Variants in RBFOX1 observed in about 807,000 individuals in gnomAD.
The protein encoded by RBFOX1 is RNA binding fox-1 homolog 1.
In RBFOX1, 8 loss-of-function variants were observed where a neutral mutation model predicts 57.7. The observed-to-expected ratio is 0.14, with a 90% CI of 0.08 to 0.25. RBFOX1 has a LOEUF of 0.25. Among genes scored for constraint, RBFOX1 ranks in the 10% least tolerant of loss-of-function variants. The probability of loss-of-function intolerance (pLI) is 1.00; values close to 1 mark genes in which losing one functional copy is unlikely to be tolerated. For missense variants in RBFOX1, 611 were observed against 548.5 expected (o/e 1.11, Z -1.14); for synonymous variants, 326 against 222.4 (o/e 1.47, Z -4.15).
intron 3 of RBFOX1, among the ~76,000 whole-genome samples, chr16:6,780,066 TATATA>T: frequency 2.8e-5 from 1 of 35,394 alleles, no homozygotes; most frequent in Non-Finnish European, 4.1e-5. Flanking sequence ...TATATATTTA[TATATA>T]TTTACATATT....
chr16:7,065,839 C>G (rs1010303958), intron 4 of RBFOX1, among the ~76,000 whole-genome samples: 12 of 152,276 alleles, frequency 7.9e-5, no homozygotes, highest in Non-Finnish European at 1.8e-4. Flanking sequence ...AATCACCATT[C>G]TACTCTTGCT....
intron 2 of RBFOX1, among the ~76,000 whole-genome samples, chr16:6,631,118 A>G (rs924350894): frequency 6.6e-6 from 1 of 152,126 alleles, no homozygotes; most frequent in Non-Finnish European, 1.5e-5. Flanking sequence ...AGAAAGAATT[A>G]CTAACATGAA....
chr16:7,545,644 T>G (rs2152502919), intron 5 of RBFOX1, among the ~76,000 whole-genome samples: 1 of 152,214 alleles, frequency 6.6e-6, no homozygotes, highest in East Asian at 1.9e-4. Context: ...CGTTTAGAAT[T>G]AGAGCCAAAT....
chr16:6,124,734 G>C (rs2096576626), intron 1 of RBFOX1, among the ~76,000 whole-genome samples: 1 of 151,984 alleles, frequency 6.6e-6, no homozygotes, highest in Admixed American at 6.6e-5. Flanking sequence ...CACCATGTTG[G>C]CCAGGCTGGT....
chr16:6,107,712 G>A (rs922299642), intron 1 of RBFOX1, among the ~76,000 whole-genome samples: 1 of 108,052 alleles, frequency 9.3e-6, no homozygotes, highest in African/African-American at 3.7e-5. Flanking sequence ...TGGATGGATG[G>A]ATGGATTTGT....
intron 4 of RBFOX1, among the ~76,000 whole-genome samples, chr16:7,333,730 G>A (rs1418065425): frequency 6.6e-6 from 1 of 151,790 alleles, no homozygotes; most frequent in Non-Finnish European, 1.5e-5. Flanking sequence ...TTAATTCTGT[G>A]CAGAGAGGAT....
chr16:5,456,493 A>G (rs1440310011), intron 1 of RBFOX1, among the ~76,000 whole-genome samples: 2 of 152,202 alleles, frequency 1.3e-5, no homozygotes, highest in East Asian at 3.8e-4. Flanking sequence ...TGATGATGAT[A>G]GTCATGATAG....
intron 4 of RBFOX1, among the ~76,000 whole-genome samples, chr16:7,221,923 G>T (rs2092760651): frequency 6.6e-6 from 1 of 152,202 alleles, no homozygotes; most frequent in African/African-American, 2.4e-5. Context: ...AAAATGGGTA[G>T]AAAATGATGA....
At chr16:6,402,010 C>G (rs574353349) in intron 2 of RBFOX1, among the ~76,000 whole-genome samples, 2 of 151,768 alleles carry the variant, frequency 1.3e-5, no homozygotes, top group South Asian at 2.1e-4. Context: ...AAACGTTCCT[C>G]TGGCCCCAAC....
At chr16:6,605,742 T>C (rs962770610) in intron 2 of RBFOX1, among the ~76,000 whole-genome samples, 3 of 152,132 alleles carry the variant, frequency 2.0e-5, no homozygotes, top group South Asian at 2.1e-4. Context: ...AGTCCGTGTG[T>C]TCGTGGAGGT....
chr16:7,163,412 AT>A (rs2078796583), intron 4 of RBFOX1, among the ~76,000 whole-genome samples: 1 of 152,156 alleles, frequency 6.6e-6, no homozygotes, highest in African/African-American at 2.4e-5. Flanking sequence ...ATCAATGTGT[AT>A]GAAGCGGCTG....
chr16:5,708,585 C>T (rs999922117), intron 3 of RBFOX1, among the ~76,000 whole-genome samples: 14 of 152,174 alleles, frequency 9.2e-5, no homozygotes, highest in African/African-American at 3.4e-4. Context: ...CCCCCACCAC[C>T]TCAACCATGT....
intron 3 of RBFOX1, among the ~76,000 whole-genome samples, chr16:6,974,036 T>C (rs1042956398): frequency 6.6e-6 from 1 of 152,220 alleles, no homozygotes; most frequent in Admixed American, 6.5e-5. Flanking sequence ...TATTTGGTTT[T>C]CTGTTCCTGT....
chr16:5,285,805 C>T (rs966411276), intron 1 of RBFOX1, among the ~76,000 whole-genome samples: 2 of 152,082 alleles, frequency 1.3e-5, no homozygotes, highest in African/African-American at 4.8e-5. Context: ...TGGAGTCTTG[C>T]TCTGTCACCA....
intron 1 of RBFOX1, among the ~76,000 whole-genome samples, chr16:5,291,995 CT>C (rs1204395537): frequency 6.3e-4 from 92 of 145,690 alleles, no homozygotes; most frequent in Middle Eastern, 3.5e-3. Flanking sequence ...TTTGCAGTTA[CT>C]TTTTTTTTTT....
At chr16:7,273,232 T>TCCTC (rs1445364911) in intron 4 of RBFOX1, among the ~76,000 whole-genome samples, 4 of 135,342 alleles carry the variant, frequency 3.0e-5, no homozygotes, top group African/African-American at 1.1e-4. Context: ...CTTCCTTCCT[T>TCCTC]CCTTCCTTCC....
At chr16:7,076,416 C>T (rs977159682) in intron 4 of RBFOX1, among the ~76,000 whole-genome samples, 2 of 151,680 alleles carry the variant, frequency 1.3e-5, no homozygotes, top group South Asian at 4.2e-4. Context: ...AAGAAAAGAC[C>T]AAGAAGAGTC....
intron 4 of RBFOX1, among the ~76,000 whole-genome samples, chr16:7,210,979 T>C (rs1385233927): frequency 6.6e-6 from 1 of 151,732 alleles, no homozygotes; most frequent in African/African-American, 2.4e-5. Context: ...TTTTATGAGA[T>C]GATGAGTGTG....
chr16:7,699,482 C>G (rs2079938765), intron 14 of RBFOX1, among the ~76,000 whole-genome samples: 2 of 152,186 alleles, frequency 1.3e-5, no homozygotes, highest in African/African-American at 2.4e-5. Context: ...ACGGGCCCAC[C>G]ACACCCAGCC....
Sources: gnomAD v4.1 joint callset for allele counts (sites outside exome capture counted in the v4.1 genomes callset) on GRCh38, gnomAD v4.1.1 for gene constraint, MANE v1.5 for transcripts, NCBI Gene and HGNC (gene_info 2026-07-23, HGNC 2026-07-21) for gene names.